CDH13: variants seen among roughly 807,000 people sequenced by gnomAD.
The protein encoded by CDH13 is cadherin 13.
CDH13 carries 24 observed loss-of-function variants against 63.8 expected under a neutral mutation model. That is an observed-to-expected ratio of 0.38 (90% CI 0.27 to 0.53). The LOEUF is 0.53. Ranked by LOEUF, CDH13 falls within the 20% of genes least tolerant of loss-of-function variation. CDH13 has a pLI of 0.85. For missense variants in CDH13, 1,049 were observed against 903.1 expected (o/e 1.16, Z -2.07); for synonymous variants, 503 against 355.3 (o/e 1.42, Z -4.67).
At chr16:83,268,170 A>G (rs2088682836) in intron 5 of CDH13, among the ~76,000 whole-genome samples, 2 of 152,184 alleles carry the variant, frequency 1.3e-5, no homozygotes, top group Non-Finnish European at 2.9e-5. Context: ...TGACATAATT[A>G]TAAGTGCAGA....
At chr16:83,512,166 A>G (rs2074583593) in intron 7 of CDH13, among the ~76,000 whole-genome samples, 1 of 150,910 alleles carries the variant, frequency 6.6e-6, no homozygotes, top group Non-Finnish European at 1.5e-5. Context: ...CTAAAAATAC[A>G]AAAAATTAGC....
chr16:83,295,933 G>T (rs904027472), intron 5 of CDH13, among the ~76,000 whole-genome samples: 1 of 152,128 alleles, frequency 6.6e-6, no homozygotes, highest in African/African-American at 2.4e-5. Flanking sequence ...TTCATCAGTG[G>T]ATCAATGGAT....
At chr16:83,502,606 G>A (rs955756007) in intron 7 of CDH13, among the ~76,000 whole-genome samples, 11 of 152,172 alleles carry the variant, frequency 7.2e-5, no homozygotes, top group African/African-American at 2.2e-4. Flanking sequence ...AAGAGATGAC[G>A]TGTTAAATAC....
intron 8 of CDH13, among the ~76,000 whole-genome samples, chr16:83,656,138 G>C (rs112094531): frequency 6.6e-6 from 1 of 152,116 alleles, no homozygotes; most frequent in Non-Finnish European, 1.5e-5. Flanking sequence ...TTTTCTGTCT[G>C]TCTGAGTTTG....
At chr16:83,760,398 G>T (rs1913867452) in intron 11 of CDH13, among the ~76,000 whole-genome samples, 1 of 152,134 alleles carries the variant, frequency 6.6e-6, no homozygotes, top group Non-Finnish European at 1.5e-5. Flanking sequence ...ACGAGTGCCA[G>T]AATATCCACT....
Position 83,680,103 on chromosome 16 carries a change from A to G in CDH13, c.1538+1642A>G, listed in dbSNP as rs555630126. ...ACTATATACGATGGAGGAATATCTG[A>G]AGAACCCGCTCGAGATAGCACAGGA... is the stretch of plus-strand genomic sequence containing the variant. On this transcript the variant is annotated intron_variant, in intron 10 of 13. Transcript: ENST00000567109. 2.6e-5 allele frequency among the ~76,000 whole-genome samples: 4 copies of G among 152,356 alleles called. 1 individual carries two copies. The East Asian group carries it at 7.7e-4, about 29-fold the overall frequency.
intron 2 of CDH13, among the ~76,000 whole-genome samples, chr16:83,025,216 G>GC (rs1915688597): frequency 6.6e-6 from 1 of 152,226 alleles, no homozygotes; most frequent in Admixed American, 6.5e-5. Flanking sequence ...AAGGATTATA[G>GC]TACCTTTCAG....
chr16:82,903,186 C>G (rs1467357699), intron 2 of CDH13, among the ~76,000 whole-genome samples: 8 of 152,238 alleles, frequency 5.3e-5, no homozygotes, highest in Non-Finnish European at 7.3e-5. Flanking sequence ...CACAGAAACA[C>G]TAATTCAAAC....
chr16:83,514,342 T>C lies in CDH13; in HGVS notation c.960+27687T>C, dbSNP rs1370808553. On this transcript the variant is annotated intron_variant, in intron 7 of 13. Coordinates refer to ENST00000567109, the MANE Select transcript of CDH13 (RefSeq NM_001257.5). ...GCCCTACGTCCAGTATGCCTTGGAGTATCCTCATAAGAAGAGGAGGGCCGG... is the reference window on the plus strand; with the variant it reads ...GCCCTACGTCCAGTATGCCTTGGAGCATCCTCATAAGAAGAGGAGGGCCGG... Among the ~76,000 whole-genome samples the C allele has an allele frequency of 3.3e-5, 5 of 152,224 alleles. No individual in the cohort carries two copies. In the East Asian group the frequency reaches 9.7e-4, roughly 29 times the overall value.
At chr16:83,141,028 A>G (rs1322267554) in intron 4 of CDH13, among the ~76,000 whole-genome samples, 1 of 152,242 alleles carries the variant, frequency 6.6e-6, no homozygotes, top group Non-Finnish European at 1.5e-5. Context: ...AGAGTCACTG[A>G]AGTATCCACT....
chr16:83,706,031 C>G (rs7200109), intron 10 of CDH13, among the ~76,000 whole-genome samples: 41,089 of 152,070 alleles, frequency 0.27, 6,175 homozygotes, highest in Middle Eastern at 0.45. Flanking sequence ...TTTAATGGCT[C>G]AGGAATGTGA....
At chr16:83,312,564 CCTT>C (rs1567583812) in intron 5 of CDH13, among the ~76,000 whole-genome samples, 1 of 152,114 alleles carries the variant, frequency 6.6e-6, no homozygotes, top group Non-Finnish European at 1.5e-5. Context: ...ATAAGGCCAC[CCTT>C]CTTGGGCAGG....
At chr16:82,744,368 A>G (rs1306374329) in intron 1 of CDH13, among the ~76,000 whole-genome samples, 1 of 152,170 alleles carries the variant, frequency 6.6e-6, no homozygotes, top group Non-Finnish European at 1.5e-5. Context: ...TTCAGAGATA[A>G]TGAACCACAA....
At chr16:82,953,404 C>G (rs570822933) in intron 2 of CDH13, 1 of 152,254 alleles carries the variant, frequency 6.6e-6, no homozygotes, top group Non-Finnish European at 1.5e-5. Context: ...TTAGGAGACC[C>G]TGATGGTGGC....
chr16:83,015,724 A>AG (rs1555562946), intron 2 of CDH13, among the ~76,000 whole-genome samples: 3 of 49,094 alleles, frequency 6.1e-5, no homozygotes, highest in African/African-American at 1.8e-4. Flanking sequence ...TATATATATA[A>AG]AGAAAAAGCA....
intron 5 of CDH13, among the ~76,000 whole-genome samples, chr16:83,222,473 T>C (rs1218572561): frequency 1.3e-5 from 2 of 152,186 alleles, no homozygotes; most frequent in African/African-American, 4.8e-5. Context: ...GATTGGGAGA[T>C]ATAGATGTAC....
At chr16:82,754,239 C>G (rs2034529871) in intron 1 of CDH13, among the ~76,000 whole-genome samples, 1 of 152,066 alleles carries the variant, frequency 6.6e-6, no homozygotes, top group African/African-American at 2.4e-5. Context: ...CCCTGGGGTC[C>G]TAAAACATAA....
intron 5 of CDH13, among the ~76,000 whole-genome samples, chr16:83,330,839 T>G (rs552569435): frequency 6.6e-6 from 1 of 152,300 alleles, no homozygotes; most frequent in South Asian, 2.1e-4. Context: ...AGTTTCAGAT[T>G]CCTGCAGGCA....
chr16:82,950,148 G>A (rs1189460948), intron 2 of CDH13, among the ~76,000 whole-genome samples: 1 of 152,106 alleles, frequency 6.6e-6, no homozygotes, highest in Non-Finnish European at 1.5e-5. Context: ...TCAAGGTGTA[G>A]GTAGGGCTGG....
Sources: gnomAD v4.1 joint callset for allele counts (sites outside exome capture counted in the v4.1 genomes callset) on GRCh38, gnomAD v4.1.1 for gene constraint, MANE v1.5 for transcripts, NCBI Gene and HGNC (gene_info 2026-07-23, HGNC 2026-07-21) for gene names.